TMEM59: variants seen among roughly 807,000 people sequenced by gnomAD.
TMEM59 encodes the protein transmembrane protein 59.
Under a neutral mutation model 42.2 loss-of-function variants are expected in TMEM59, and 44 were observed. The ratio of observed to expected loss-of-function variants is 1.04; its 90% CI spans 0.82 to 1.34. TMEM59 has a LOEUF of 1.34. Among genes scored for constraint, TMEM59 ranks in the 40% most tolerant of loss-of-function variants. The pLI is 0.00. For synonymous variants in TMEM59, 148 were observed against 145.8 expected, an observed-to-expected ratio of 1.02 and a Z score of -0.11; for missense variants, 359 against 382.8, an observed-to-expected ratio of 0.94 and a Z score of 0.52.
At chr1:54,036,946 C>A in intron 6 of TMEM59, 1 of 292,232 alleles carries the variant, frequency 3.4e-6, no homozygotes, top group Non-Finnish European at 6.4e-6. Flanking sequence ...TGTAACATGG[C>A]TATATCACTT....
chr1:54,053,112 A>C lies in TMEM59; in HGVS notation c.77T>G (p.Leu26Trp), dbSNP rs1657630415. The C allele has an allele frequency of 4.3e-6, 7 of 1,614,120 alleles. No individual in the cohort carries two copies. The highest frequency in any genetic ancestry group is 1.1e-5 in the South Asian group (1 of 91,096). ...LPPLLLLTMA[L>W]AGGSGTASAE... ...CGAAGCGGTCCCCGAACCTCCGGCC[A>C]AGGCCATGGTCAGCAGCAGCAGCGG... Residue 26 changes from leucine (L) to tryptophan (W), a missense_variant, in exon 1 of 8, where the codon TTG becomes TGG. Physicochemically the swap from Leu to Trp is moderately conservative, Grantham distance 61. Transcript: ENST00000234831.
At chr1:54,050,374 C>T (rs1368434566) in intron 1 of TMEM59, among the ~76,000 whole-genome samples, 1 of 152,100 alleles carries the variant, frequency 6.6e-6, no homozygotes, top group Non-Finnish European at 1.5e-5. Flanking sequence ...CCACTCGCCT[C>T]GGCCTCCCAA....
intron 1 of TMEM59, among the ~76,000 whole-genome samples, chr1:54,051,413 A>G (rs1657535030): frequency 6.6e-6 from 1 of 152,234 alleles, no homozygotes; most frequent in African/African-American, 2.4e-5. Flanking sequence ...ATAGGGAGCC[A>G]GATGATTTGG....
intron 3 of TMEM59, chr1:54,045,428 A>G (rs372287521): frequency 5.3e-6 from 2 of 380,604 alleles, no homozygotes; most frequent in East Asian, 4.1e-5. Context: ...TGGTTTTTTC[A>G]TATGTAAAAT....
intron 7 of TMEM59, 106 bp from the exon 8 acceptor site, chr1:54,032,411 C>G: frequency 9.3e-7 from 1 of 1,078,532 alleles, no homozygotes; most frequent in Non-Finnish European, 1.2e-6. Flanking sequence ...AAAAAAAATT[C>G]TATAAACAAC....
In TMEM59 at chr1:54,030,853, CAA is replaced by C. The variant is rs976592510; in HGVS notation, c.*1295_*1296del. 6.6e-6 allele frequency: 1 copy of C among 152,162 alleles called. No individual in the cohort carries two copies. The highest frequency in any genetic ancestry group is 2.4e-5 in the African/African-American group (1 of 41,432). The allele number at this position is 152,162 out of a possible 1,614,324, so 9.4% of individuals were successfully genotyped here. On this transcript the variant is annotated 3_prime_UTR_variant, in exon 8 of 8. Transcript: ENST00000234831. The stretch of plus-strand genomic sequence containing the variant: ...AGGAGTGACTAACTTATTCTTTAGT[CAA>C]ACAGCACTGATGCAGTTGTCAGCAA...
intron 3 of TMEM59, among the ~76,000 whole-genome samples, chr1:54,045,210 A>G (rs1206983061): frequency 6.6e-6 from 1 of 152,240 alleles, no homozygotes; most frequent in Non-Finnish European, 1.5e-5. Flanking sequence ...TACTGATTAT[A>G]TAAGACAGGA....
Position 54,028,931 on chromosome 1 carries a change from G to A in TMEM59, c.*3219C>T, listed in dbSNP as rs1269665123. 1.3e-5 allele frequency: 2 copies of A among 152,096 alleles called. No individual in the cohort carries two copies. The highest frequency in any genetic ancestry group is 2.9e-5 in the Non-Finnish European group (2 of 68,040). 9.4% of individuals were successfully genotyped at this position (152,096 alleles called of 1,614,324 possible). ...AAAGGCAGAACTGAGCAAAATTACT[G>A]CCTTGGTGTGGTGGTGACAGTAACT... On this transcript the variant is annotated 3_prime_UTR_variant, in exon 8 of 8. Coordinates refer to ENST00000234831, the MANE Select transcript of TMEM59 (RefSeq NM_004872.5).
Position 54,032,031 on chromosome 1 carries a change from A to C in TMEM59, c.*119T>G, listed in dbSNP as rs935746828. On this transcript the variant is annotated 3_prime_UTR_variant, in exon 8 of 8. Transcript: ENST00000234831. ...AATACAGTCTTCACAGATTTGAGTA[A>C]CTTTATTTGCATTTTATAGTGATTT... 74 of 901,914 alleles carry C rather than the reference A, an allele frequency of 8.2e-5. No homozygotes were observed. The highest frequency in any genetic ancestry group is 1.0e-4 in the Non-Finnish European group (68 of 654,008). The allele number at this position is 901,914 out of a possible 1,614,324, so 55.9% of individuals were successfully genotyped here.
At chr1:54,044,932 T>C (rs1434405757) in intron 3 of TMEM59, 1 of 152,232 alleles carries the variant, frequency 6.6e-6, no homozygotes, top group Non-Finnish European at 1.5e-5. Flanking sequence ...ATTAGTAACC[T>C]TGGCTACATT....
At chr1:54,043,028 C>T (rs972513855) in intron 4 of TMEM59, among the ~76,000 whole-genome samples, 3 of 152,106 alleles carry the variant, frequency 2.0e-5, no homozygotes, top group African/African-American at 7.2e-5. Context: ...TATCTGATAT[C>T]CATATGTAAT....
intron 1 of TMEM59, among the ~76,000 whole-genome samples, chr1:54,051,355 T>C (rs1324406941): frequency 6.6e-6 from 1 of 152,144 alleles, no homozygotes; most frequent in Non-Finnish European, 1.5e-5. Context: ...AAATCTCCCA[T>C]CACTCTGGCT....
intron 1 of TMEM59, among the ~76,000 whole-genome samples, chr1:54,049,782 C>T (rs1277228929): frequency 6.6e-6 from 1 of 152,040 alleles, no homozygotes; most frequent in Admixed American, 6.6e-5. Flanking sequence ...AGTTTGAGAC[C>T]AGCCTAGGCA....
rs182120788 is a variant in TMEM59, at chr1:54,029,902, C to G, written c.*2248G>C. ...GCTGATGATACTCAAATGCAAACATCAGTCTGGCTTAATTATGCTAAAAAA... is the reference window on the plus strand; with the variant it reads ...GCTGATGATACTCAAATGCAAACATGAGTCTGGCTTAATTATGCTAAAAAA... On this transcript the variant is annotated 3_prime_UTR_variant, in exon 8 of 8. Coordinates refer to ENST00000234831, the MANE Select transcript of TMEM59 (RefSeq NM_004872.5). 1 of 152,170 alleles carries G rather than the reference C, an allele frequency of 6.6e-6. No individual in the cohort carries two copies. The highest frequency in any genetic ancestry group is 1.9e-4 in the East Asian group (1 of 5,196). The allele number at this position is 152,170 out of a possible 1,614,324, so 9.4% of individuals were successfully genotyped here. A position where few individuals can be genotyped will look rare whatever the true frequency, so the allele number is the denominator to read the frequency against.
chr1:54,037,947 CTG>C (rs1223499097), intron 6 of TMEM59, among the ~76,000 whole-genome samples: 1 of 152,122 alleles, frequency 6.6e-6, no homozygotes, highest in African/African-American at 2.4e-5. Context: ...AGCCAGAAAA[CTG>C]GGGCTCATCC....
chr1:54,042,588 C>G (rs1262795134), intron 4 of TMEM59, among the ~76,000 whole-genome samples: 2 of 152,166 alleles, frequency 1.3e-5, no homozygotes, highest in Non-Finnish European at 2.9e-5. Context: ...TACTTAGCTA[C>G]AGTACTTAAA....
At chr1:54,040,707 T>A in intron 6 of TMEM59, 49 bp downstream of exon 6, 1 of 1,421,402 alleles carries the variant, frequency 7.0e-7, no homozygotes, top group Non-Finnish European at 9.8e-7. Context: ...ATCTCTCTGA[T>A]ACAAGCCAGA....
chr1:54,032,761 A>G (rs1569930993), intron 7 of TMEM59, among the ~76,000 whole-genome samples: 1 of 152,250 alleles, frequency 6.6e-6, no homozygotes. Flanking sequence ...ATAAATATAT[A>G]AAGTTCCTTA....
At chr1:54,045,919 A>G (rs1396795940) in intron 2 of TMEM59, 133 bp from the exon 3 acceptor site, 1 of 677,012 alleles carries the variant, frequency 1.5e-6, no homozygotes, top group Admixed American at 3.0e-5. Context: ...CAAATTTGGT[A>G]ATATAGTAGT....
Sources: gnomAD v4.1 joint callset for allele counts (sites outside exome capture counted in the v4.1 genomes callset) on GRCh38, gnomAD v4.1.1 for gene constraint, MANE v1.5 for transcripts, NCBI Gene and HGNC (gene_info 2026-07-23, HGNC 2026-07-21) for gene names.